The following ALDH9A1 variants were observed in gnomAD, a reference collection of about 807,000 sequenced individuals.
ALDH9A1 encodes 4-trimethylaminobutyraldehyde dehydrogenase.
In ALDH9A1, 42 loss-of-function variants were observed where a neutral mutation model predicts 56.6. That is an observed-to-expected ratio of 0.74 (90% confidence interval 0.58 to 0.96). ALDH9A1 has a LOEUF of 0.96. Among genes scored for constraint, ALDH9A1 ranks in the 40% least tolerant of loss-of-function variants. The pLI is 0.00. For missense variants in ALDH9A1, 661 were observed against 651.5 expected, an observed-to-expected ratio of 1.01 and a Z score of -0.16; for synonymous variants, 242 against 236.0, an observed-to-expected ratio of 1.03 and a Z score of -0.23.
intron 10 of ALDH9A1, among the ~76,000 whole-genome samples, chr1:165,664,218 T>C (rs1291101435): frequency 6.6e-6 from 1 of 152,138 alleles, no homozygotes; most frequent in Non-Finnish European, 1.5e-5. Flanking sequence ...AACACTGTGA[T>C]GGCTGTAAAT....
At chr1:165,679,395 AG>A (rs776507574) in intron 6 of ALDH9A1, 46 bp downstream of exon 6, 28 of 1,598,140 alleles carry the variant, frequency 1.8e-5, no homozygotes, top group Admixed American at 8.5e-5. Context: ...CTGTTGGATG[AG>A]GGGGTAGAGA....
chr1:165,676,889 T>G (rs1335829415), intron 6 of ALDH9A1: 1 of 242,196 alleles, frequency 4.1e-6, no homozygotes, highest in Non-Finnish European at 7.9e-6. Context: ...AAAGCAGATT[T>G]TAATTGTGTC....
In ALDH9A1 at chr1:165,671,444, T is replaced by G. The variant is rs927652321; in HGVS notation, c.931-1994A>C. 10 of 443,232 alleles carry G rather than the reference T, an allele frequency of 2.3e-5. No individual in the cohort carries two copies. In the East Asian group the frequency reaches 5.7e-4, roughly 25 times the overall value. 27.5% of individuals were successfully genotyped at this position (443,232 alleles called of 1,614,324 possible). A position where few individuals can be genotyped will look rare whatever the true frequency, so the allele number is the denominator to read the frequency against. On this transcript the variant is annotated intron_variant, in intron 6 of 10. Transcript: ENST00000354775. ...CACAAATCGGTGGGATCCTGAGAGA[T>G]TCACATGATGCTGCACAAGTACGAT...
At chr1:165,695,172 C>A in intron 2 of ALDH9A1, 80 bp downstream of exon 2, 2 of 1,445,116 alleles carry the variant, frequency 1.4e-6, no homozygotes, top group Admixed American at 2.5e-5. Context: ...CCTAATGTTG[C>A]AACAAAGTCG....
Position 165,686,061 on chromosome 1 carries a change from G to T in ALDH9A1, c.328-2951C>A, listed in dbSNP as rs554266603. ...AAAATGAGAAAATATGGAAAAAAAT[G>T]TTCATTTCCACTAGGAATCAATGAG... is the stretch of plus-strand genomic sequence containing the variant. On this transcript the variant is annotated intron_variant, in intron 2 of 10. Transcript: ENST00000354775. 2.6e-5 allele frequency among the ~76,000 whole-genome samples: 4 copies of T among 152,248 alleles called. No homozygotes were observed. The South Asian group carries it at 8.3e-4, about 32-fold the overall frequency.
At chr1:165,671,209 T>G (rs1240422167) in intron 6 of ALDH9A1, 3 of 203,062 alleles carry the variant, frequency 1.5e-5, no homozygotes, top group Non-Finnish European at 3.1e-5. Context: ...TAGGTACTCA[T>G]GCATCGTTAG....
intron 6 of ALDH9A1, among the ~76,000 whole-genome samples, chr1:165,671,909 C>T (rs1017522646): frequency 2.6e-5 from 4 of 152,064 alleles, no homozygotes; most frequent in African/African-American, 7.2e-5. Context: ...CCACTTCATA[C>T]CCAATAGGAT....
intron 6 of ALDH9A1, 24 bp downstream of exon 6, chr1:165,679,418 C>T (rs560406840): frequency 6.2e-7 from 1 of 1,612,594 alleles, no homozygotes; most frequent in South Asian, 1.1e-5. Context: ...TCCTTTTACA[C>T]CTCTTCCAGG....
rs1160015495 is a variant in ALDH9A1, at chr1:165,698,552, G to A, written c.7C>T (p.Leu3Phe). The part of the protein sequence containing the change: MF[L>F]RAGLAALSPL... ...GAGAGCGCGGCCAGGCCTGCTCGGA[G>A]AAACATGAGTGGCGGACGCAGCTCC... Residue 3 changes from leucine to phenylalanine, a missense_variant, in exon 1 of 11, where the codon CTC becomes TTC. Transcript: ENST00000354775. 1 of 1,605,418 alleles carries A rather than the reference G, an allele frequency of 6.2e-7. No individual in the cohort carries two copies. The highest frequency in any genetic ancestry group is 1.1e-5 in the South Asian group (1 of 90,156).
intron 2 of ALDH9A1, among the ~76,000 whole-genome samples, chr1:165,692,528 A>G (rs1461243164): frequency 1.3e-5 from 2 of 152,000 alleles, no homozygotes; most frequent in African/African-American, 4.8e-5. Flanking sequence ...GACCTCTTCA[A>G]GGAGAACTAC....
intron 6 of ALDH9A1, among the ~76,000 whole-genome samples, chr1:165,675,263 C>A (rs7527514): frequency 0.15 from 21,923 of 150,970 alleles, 1,925 homozygotes; most frequent in African/African-American, 0.26. Flanking sequence ...CTCTCTCTCT[C>A]TATATATATA....
In ALDH9A1 at chr1:165,696,826, G is replaced by A. The variant is rs1174742681; in HGVS notation, c.182-1429C>T. ...GCCAGCTGGTAAAGGCGGTGGCTGA[G>A]GATCACACACACTGTAGGCAATTAA... On this transcript the variant is annotated intron_variant, in intron 1 of 10. Coordinates refer to ENST00000354775, the MANE Select transcript of ALDH9A1 (RefSeq NM_000696.4). Among the ~76,000 whole-genome samples, 3 of 152,208 alleles carry A rather than the reference G, an allele frequency of 2.0e-5. No individual in the cohort carries two copies. In the East Asian group the frequency reaches 5.8e-4, roughly 29 times the overall value.
chr1:165,675,965 A>G (rs1349927992), intron 6 of ALDH9A1, among the ~76,000 whole-genome samples: 1 of 152,236 alleles, frequency 6.6e-6, no homozygotes, highest in East Asian at 1.9e-4. Context: ...ATGAGCAATT[A>G]GATAAACATT....
intron 3 of ALDH9A1, 85 bp from the exon 4 acceptor site, chr1:165,682,326 C>G: frequency 7.0e-7 from 1 of 1,420,726 alleles, no homozygotes; most frequent in Non-Finnish European, 9.7e-7. Context: ...GACTTGTACT[C>G]CAGTCAACGC....
chr1:165,698,552 G>T lies in ALDH9A1; in HGVS notation c.7C>A (p.Leu3Ile). MF[L>I]RAGLAALSPL... The stretch of plus-strand genomic sequence containing the variant: ...GAGAGCGCGGCCAGGCCTGCTCGGA[G>T]AAACATGAGTGGCGGACGCAGCTCC... Residue 3 changes from leucine (L) to isoleucine (I), a missense_variant, in exon 1 of 11, where the codon CTC becomes ATC. Coordinates refer to ENST00000354775, the MANE Select transcript of ALDH9A1 (RefSeq NM_000696.4). 1 of 1,605,418 alleles carries T rather than the reference G, an allele frequency of 6.2e-7. No homozygotes were observed. The highest frequency in any genetic ancestry group is 1.4e-5 in the African/African-American group (1 of 73,848).
At chr1:165,663,848 C>G (rs1275486145) in intron 10 of ALDH9A1, among the ~76,000 whole-genome samples, 1 of 152,188 alleles carries the variant, frequency 6.6e-6, no homozygotes, top group Non-Finnish European at 1.5e-5. Context: ...TGTTCCTTTC[C>G]AAATCCCCTA....
chr1:165,676,522 T>C (rs967213926), intron 6 of ALDH9A1: 8 of 289,436 alleles, frequency 2.8e-5, no homozygotes, highest in Admixed American at 1.3e-4. Flanking sequence ...CAGCATGTTG[T>C]TGGCACTGCT....
chr1:165,682,945 T>TTATC, intron 3 of ALDH9A1, 36 bp downstream of exon 3: 2 of 1,606,202 alleles, frequency 1.2e-6, no homozygotes, highest in Non-Finnish European at 1.7e-6. Flanking sequence ...TTCTGCCTCA[T>TTATC]TATCAGCTGG....
At position 165,667,836 on chromosome 1, in the gene ALDH9A1, C is replaced by CA. The variant is rs549025749; in HGVS notation, c.1208-387dup. Among the ~76,000 whole-genome samples, 95 of 152,192 alleles carry CA rather than the reference C, an allele frequency of 6.2e-4. 1 individual carries two copies. The highest frequency in any genetic ancestry group is 2.2e-3 in the African/African-American group (93 of 41,508). Reference sequence around the variant, plus strand: ...CTGACACCACTATTAACCTTAGGGGCAAAAACCAGCTTAATTTATCTCCAA... The same window carrying CA: ...CTGACACCACTATTAACCTTAGGGGCAAAAAACCAGCTTAATTTATCTCCAA... On this transcript the variant is annotated intron_variant, in intron 8 of 10. Transcript: ENST00000354775.
Sources: allele counts gnomAD v4.1 joint callset (sites outside exome capture counted in the v4.1 genomes callset), GRCh38; gene constraint gnomAD v4.1.1; transcripts MANE v1.5; gene names NCBI Gene and HGNC (gene_info 2026-07-23, HGNC 2026-07-21).